CNTN5: variants seen among roughly 807,000 people sequenced by gnomAD.
CNTN5 encodes contactin 5.
A neutral mutation model predicts 129.1 loss-of-function variants in CNTN5; 77 were observed. The ratio of observed to expected loss-of-function variants is 0.60; its 90% CI spans 0.50 to 0.72. CNTN5 has a LOEUF of 0.72. Among genes scored for constraint, CNTN5 ranks in the 30% least tolerant of loss-of-function variants. The pLI, the probability that CNTN5 is intolerant of heterozygous loss-of-function variation, is 0.00. For missense variants in CNTN5, 1,478 were observed against 1,328.8 expected (o/e 1.11, Z -1.75); for synonymous variants, 509 against 465.6 (o/e 1.09, Z -1.20).
intron 6 of CNTN5, among the ~76,000 whole-genome samples, chr11:99,900,100 C>T (rs1315407814): frequency 6.7e-6 from 1 of 150,118 alleles, no homozygotes; most frequent in Non-Finnish European, 1.5e-5. Flanking sequence ...AGTCTTCTCT[C>T]TTTTTTTTTC....
chr11:100,061,134 G>A, intron 9 of CNTN5, 78 bp from the exon 10 acceptor site: 1 of 1,192,818 alleles, frequency 8.4e-7, no homozygotes, highest in Non-Finnish European at 1.2e-6. Flanking sequence ...CCTATTAAGT[G>A]CTTAAATTAC....
At chr11:99,607,650 G>A (rs914619435) in intron 3 of CNTN5, among the ~76,000 whole-genome samples, 2 of 117,500 alleles carry the variant, frequency 1.7e-5, no homozygotes, top group African/African-American at 3.0e-5. Context: ...ACATGCACAC[G>A]TATGTTTATT....
intron 3 of CNTN5, among the ~76,000 whole-genome samples, chr11:99,661,644 G>A (rs188729721): frequency 6.6e-6 from 1 of 151,792 alleles, no homozygotes; most frequent in Non-Finnish European, 1.5e-5. Context: ...GTGTGAGAAT[G>A]GACTAATGCA....
In CNTN5 at chr11:100,043,513, G is replaced by A. The variant is rs148113210; in HGVS notation, c.981-17699G>A. ...ACTTTCATAATTTGAAGATATTTTTGTTTTTGAAGGGAAAACCTGCACTTT... is the reference window on the plus strand; with the variant it reads ...ACTTTCATAATTTGAAGATATTTTTATTTTTGAAGGGAAAACCTGCACTTT... On this transcript the variant is annotated intron_variant, in intron 9 of 24. Coordinates refer to ENST00000524871, the MANE Select transcript of CNTN5 (RefSeq NM_014361.4). Among the ~76,000 whole-genome samples, 422 of 152,198 alleles carry A rather than the reference G, an allele frequency of 2.8e-3. 5 individuals are homozygous for A. Among genetic ancestry groups the A allele is most frequent in the Middle Eastern group, 3.4e-3 (1 of 294 alleles).
chr11:99,201,045 T>TTC (rs60145128), intron 1 of CNTN5, among the ~76,000 whole-genome samples: 5 of 132,196 alleles, frequency 3.8e-5, no homozygotes, highest in East Asian at 2.2e-4. Flanking sequence ...TTTTTTTTTT[T>TTC]CCAGAGTCTT....
At chr11:99,406,200 C>T (rs1388373340) in intron 2 of CNTN5, among the ~76,000 whole-genome samples, 1 of 151,870 alleles carries the variant, frequency 6.6e-6, no homozygotes, top group Non-Finnish European at 1.5e-5. Flanking sequence ...CCTGGGAAGG[C>T]CTACCAGATA....
chr11:99,109,371 C>T (rs1857675510), intron 1 of CNTN5, among the ~76,000 whole-genome samples: 1 of 148,356 alleles, frequency 6.7e-6, no homozygotes, highest in South Asian at 2.1e-4. Context: ...ACACTATGCC[C>T]ATGTACATTT....
intron 2 of CNTN5, among the ~76,000 whole-genome samples, chr11:99,409,403 G>A (rs1942285061): frequency 6.6e-6 from 1 of 152,214 alleles, no homozygotes; most frequent in Non-Finnish European, 1.5e-5. Flanking sequence ...GGGAGATGGA[G>A]CTTGCAGCAA....
chr11:99,909,738 A>C (rs2135985598), intron 6 of CNTN5, among the ~76,000 whole-genome samples: 1 of 152,080 alleles, frequency 6.6e-6, no homozygotes, highest in South Asian at 2.1e-4. Context: ...GCATGTTCTC[A>C]CTCATAGGTG....
intron 4 of CNTN5, among the ~76,000 whole-genome samples, chr11:99,837,232 A>G (rs971633358): frequency 6.6e-6 from 1 of 152,194 alleles, no homozygotes; most frequent in African/African-American, 2.4e-5. Context: ...TTTCTTAATG[A>G]AATTACATCT....
At chr11:99,246,321 A>G (rs1460141787) in intron 1 of CNTN5, among the ~76,000 whole-genome samples, 1 of 152,176 alleles carries the variant, frequency 6.6e-6, no homozygotes, top group Non-Finnish European at 1.5e-5. Context: ...ATCTGATTAT[A>G]TAATAACTGG....
At chr11:99,645,778 TTG>T (rs879607563) in intron 3 of CNTN5, among the ~76,000 whole-genome samples, 90,627 of 151,070 alleles carry the variant, frequency 0.6, 28,026 homozygotes, top group Admixed American at 0.69. Flanking sequence ...GAGGGGAACA[TTG>T]CACACTTGGG....
intron 9 of CNTN5, among the ~76,000 whole-genome samples, chr11:100,018,148 T>C (rs1312771325): frequency 2.0e-5 from 3 of 152,026 alleles, no homozygotes; most frequent in Non-Finnish European, 4.4e-5. Context: ...AAAGCTTTAT[T>C]GCCATATAAT....
intron 16 of CNTN5, among the ~76,000 whole-genome samples, chr11:100,252,924 A>C (rs1949997368): frequency 6.6e-6 from 1 of 152,172 alleles, no homozygotes; most frequent in South Asian, 2.1e-4. Flanking sequence ...AAATTCACAC[A>C]CAGTCATTTC....
At chr11:99,029,859 T>A (rs908628614) in intron 1 of CNTN5, among the ~76,000 whole-genome samples, 2 of 152,168 alleles carry the variant, frequency 1.3e-5, no homozygotes, top group African/African-American at 4.8e-5. Flanking sequence ...TTTATTAATT[T>A]CTCAATCAAA....
intron 3 of CNTN5, among the ~76,000 whole-genome samples, chr11:99,620,350 T>A (rs10893607): frequency 8.4e-6 from 1 of 118,848 alleles, no homozygotes; most frequent in African/African-American, 2.8e-5. Flanking sequence ...ATCTTAATAG[T>A]ATACAATTAA....
chr11:99,092,826 C>T lies in CNTN5; in HGVS notation c.-210+71556C>T, dbSNP rs193301125. On this transcript the variant is annotated intron_variant, in intron 1 of 24. Transcript: ENST00000524871. Reference sequence around the variant, plus strand: ...TACAAAAATCTAATGATAATTGTAGCTATATCTGGGTGGTGTTATTATGGT... The same window carrying T: ...TACAAAAATCTAATGATAATTGTAGTTATATCTGGGTGGTGTTATTATGGT... 5.7e-4 allele frequency among the ~76,000 whole-genome samples: 87 copies of T among 152,014 alleles called. No individual in the cohort carries two copies. The East Asian group carries it at 0.016, about 27-fold the overall frequency.
intron 3 of CNTN5, among the ~76,000 whole-genome samples, chr11:99,593,332 A>G (rs2135674304): frequency 6.6e-6 from 1 of 152,320 alleles, no homozygotes; most frequent in Non-Finnish European, 1.5e-5. Context: ...CAGGCCAACA[A>G]GGCACATAAG....
intron 1 of CNTN5, among the ~76,000 whole-genome samples, chr11:99,298,435 G>C (rs939643593): frequency 1.3e-5 from 2 of 152,138 alleles, no homozygotes; most frequent in African/African-American, 2.4e-5. Context: ...TTGAAGTATG[G>C]CCACTGGGAT....
Sources: gnomAD v4.1 joint callset for allele counts (sites outside exome capture counted in the v4.1 genomes callset) on GRCh38, gnomAD v4.1.1 for gene constraint, MANE v1.5 for transcripts, NCBI Gene and HGNC (gene_info 2026-07-23, HGNC 2026-07-21) for gene names.